BEGAIN: variants seen among roughly 807,000 people sequenced by gnomAD.
BEGAIN encodes brain enriched guanylate kinase associated, also known as brain-enriched guanylate kinase-associated protein.
Under a neutral mutation model 35.8 loss-of-function variants are expected in BEGAIN, and 19 were observed. The observed-to-expected ratio is 0.53, with a 90% CI of 0.37 to 0.78. The LOEUF (loss-of-function observed/expected upper bound fraction) is 0.78, where lower values mean the gene tolerates loss of function less well. Among genes scored for constraint, BEGAIN ranks in the 30% least tolerant of loss-of-function variants. The pLI is 0.00. For synonymous variants in BEGAIN, 462 were observed against 388.6 expected (o/e 1.19, Z -2.22); for missense variants, 795 against 853.6 (o/e 0.93, Z 0.85).
Position 100,576,571 on chromosome 14 carries a change from G to C in BEGAIN, c.43-8632C>G, listed in dbSNP as rs556585833. ...TGATATCCCACAAACCCATCCCACG[G>C]CCTCCGTCTCCATCCTGTGTTGGGA... On this transcript the variant is annotated intron_variant, in intron 1 of 6. Coordinates refer to ENST00000554140, the MANE Select transcript of BEGAIN (RefSeq NM_001385089.1). Among the ~76,000 whole-genome samples, 292 of 152,268 alleles carry C rather than the reference G, an allele frequency of 1.9e-3. 4 individuals carry two copies. Among genetic ancestry groups the C allele is most frequent in the Middle Eastern group, 3.4e-3 (1 of 294 alleles).
Position 100,537,886 on chromosome 14 carries a change from G to A in BEGAIN, c.*83C>T, listed in dbSNP as rs911079512. ...GTTGGCCGGGGCAGGGGAACAGCGG[G>A]GGCTGGGGAGAGGTGAGGCCGGCCC... is the stretch of plus-strand genomic sequence containing the variant. On this transcript the variant is annotated 3_prime_UTR_variant, in exon 7 of 7. Coordinates refer to ENST00000554140, the MANE Select transcript of BEGAIN (RefSeq NM_001385089.1). The A allele has an allele frequency of 6.7e-7, 1 of 1,487,486 alleles. No homozygotes were observed. The highest frequency in any genetic ancestry group is 1.4e-5 in the African/African-American group (1 of 70,252). 92.1% of individuals were successfully genotyped at this position (1,487,486 alleles called of 1,614,324 possible). A position where few individuals can be genotyped will look rare whatever the true frequency, so the allele number is the denominator to read the frequency against.
At chr14:100,574,871 C>G (rs1047743497) in intron 1 of BEGAIN, among the ~76,000 whole-genome samples, 22 of 152,196 alleles carry the variant, frequency 1.4e-4, no homozygotes, top group Non-Finnish European at 1.5e-5. Context: ...TGTCATGACC[C>G]CACCCAGGGC....
At chr14:100,542,803 C>T (rs1392035596) in intron 5 of BEGAIN, among the ~76,000 whole-genome samples, 2 of 152,222 alleles carry the variant, frequency 1.3e-5, no homozygotes, top group African/African-American at 2.4e-5. Flanking sequence ...TGTCCTCGTC[C>T]CTACAGCCTG....
intron 2 of BEGAIN, among the ~76,000 whole-genome samples, chr14:100,551,483 C>T (rs928620028): frequency 6.6e-6 from 1 of 152,128 alleles, no homozygotes; most frequent in Non-Finnish European, 1.5e-5. Context: ...GGCAGATGGG[C>T]GTGCTCAGAA....
chr14:100,570,957 G>A (rs564220162), intron 1 of BEGAIN, among the ~76,000 whole-genome samples: 2 of 152,278 alleles, frequency 1.3e-5, no homozygotes, highest in East Asian at 3.9e-4. Context: ...GCCAGTGGGT[G>A]GGGGCCATGA....
In BEGAIN at chr14:100,537,922, C is replaced by G. The variant is rs373784233; in HGVS notation, c.*47G>C. ...AGGTGAGGCCGGCCCTTCTGGGGCA[C>G]GTGGGCTGGCGGGGAGCGAACCACG... is the stretch of plus-strand genomic sequence containing the variant. On this transcript the variant is annotated 3_prime_UTR_variant, in exon 7 of 7. Transcript: ENST00000554140. 315 of 1,554,264 alleles carry G rather than the reference C, an allele frequency of 2.0e-4. No individual in the cohort carries two copies. Among genetic ancestry groups the G allele is most frequent in the Admixed American group, 9.8e-4 (52 of 53,164 alleles).
At chr14:100,569,032 C>A in intron 1 of BEGAIN, 1 of 809,970 alleles carries the variant, frequency 1.2e-6, no homozygotes, top group Non-Finnish European at 1.5e-6. Flanking sequence ...GGGCGCAGCC[C>A]GGCCGCAGCG....
At chr14:100,581,304 A>C (rs1465293119) in intron 1 of BEGAIN, among the ~76,000 whole-genome samples, 1 of 152,142 alleles carries the variant, frequency 6.6e-6, no homozygotes, top group Admixed American at 6.5e-5. Flanking sequence ...CTGCTTCCAG[A>C]GTTTCAGGCT....
chr14:100,542,298 C>T (rs1417531734), intron 5 of BEGAIN, among the ~76,000 whole-genome samples: 2 of 152,260 alleles, frequency 1.3e-5, no homozygotes, highest in African/African-American at 4.8e-5. Context: ...GCATTGACTG[C>T]AGCCCCCTTC....
intron 2 of BEGAIN, 112 bp from the exon 3 acceptor site, chr14:100,546,774 G>GCACA (rs1293063579): frequency 4.0e-6 from 3 of 756,546 alleles, no homozygotes; most frequent in African/African-American, 2.7e-5. Context: ...GCGCGCGCGC[G>GCACA]CGCGCGCACA....
chr14:100,552,316 A>G (rs1409699461), intron 2 of BEGAIN, among the ~76,000 whole-genome samples: 3 of 152,156 alleles, frequency 2.0e-5, no homozygotes, highest in Non-Finnish European at 4.4e-5. Flanking sequence ...ACATTTACTG[A>G]GCATCACTGG....
chr14:100,543,747 A>T, intron 5 of BEGAIN, 111 bp downstream of exon 5: 1 of 821,618 alleles, frequency 1.2e-6, no homozygotes, highest in Non-Finnish European at 2.0e-6. Context: ...GGGCCAAAGC[A>T]GCTGAGCTCA....
chr14:100,576,374 CATA>C (rs1300875584), intron 1 of BEGAIN, among the ~76,000 whole-genome samples: 4 of 152,186 alleles, frequency 2.6e-5, no homozygotes, highest in Non-Finnish European at 5.9e-5. Flanking sequence ...GCACTGGGGA[CATA>C]ATGATGGCGC....
In BEGAIN at chr14:100,546,378, GGCCCTCGCCCCGC is replaced by G. The variant is rs2032408267; in HGVS notation, c.233+110_233+122del. 67 of 100,600 alleles carry G rather than the reference GGCCCTCGCCCCGC, an allele frequency of 6.7e-4. 6 individuals are homozygous for G. The highest frequency in any genetic ancestry group is 1.4e-3 in the African/African-American group (25 of 18,256). The allele number at this position is 100,600 out of a possible 1,614,324, so 6.2% of individuals were successfully genotyped here. On this transcript the variant is annotated intron_variant, in intron 3 of 6. Coordinates refer to ENST00000554140, the MANE Select transcript of BEGAIN (RefSeq NM_001385089.1). The stretch of plus-strand genomic sequence containing the variant: ...CCCGCCCCGGCCCTCGCCCCGCCCC[GGCCCTCGCCCCGC>G]CCCGGCCCTCGCCCCGCCCCGGCCC...
intron 2 of BEGAIN, among the ~76,000 whole-genome samples, chr14:100,553,122 C>T (rs1055850110): frequency 1.3e-5 from 2 of 152,164 alleles, no homozygotes; most frequent in African/African-American, 4.8e-5. Context: ...TGTTTTCCTC[C>T]CCCAGGGAAG....
chr14:100,557,339 G>T (rs535941517), intron 2 of BEGAIN, among the ~76,000 whole-genome samples: 1 of 152,268 alleles, frequency 6.6e-6, no homozygotes, highest in Non-Finnish European at 1.5e-5. Context: ...ACGCACACAA[G>T]CCATGCTTGC....
At position 100,568,490 on chromosome 14, in the gene BEGAIN, G is replaced by A. The variant is rs753401557; in HGVS notation, c.43-551C>T. The A allele has an allele frequency of 1.6e-6, 2 of 1,286,312 alleles. No homozygotes were observed. Among genetic ancestry groups the A allele is most frequent in the South Asian group, 2.5e-5 (2 of 80,560 alleles). The allele number at this position is 1,286,312 out of a possible 1,614,324, so 79.7% of individuals were successfully genotyped here. A position where few individuals can be genotyped will look rare whatever the true frequency, so the allele number is the denominator to read the frequency against. ...TTTGGAGCCTCGACTCCTCAATCAG[G>A]GACCCGCTGCCCTCAGATTCTGGGG... On this transcript the variant is annotated intron_variant, in intron 1 of 6. Coordinates refer to ENST00000554140, the MANE Select transcript of BEGAIN (RefSeq NM_001385089.1). This position sits in a 1 kb window ranked among gnomAD's most constrained non-coding sequence, Gnocchi z 7.5.
chr14:100,541,737 A>G (rs1484944516), intron 5 of BEGAIN, among the ~76,000 whole-genome samples: 1 of 152,198 alleles, frequency 6.6e-6, no homozygotes, highest in Non-Finnish European at 1.5e-5. Context: ...TGCCATGCCC[A>G]TAGCCCCTGG....
chr14:100,572,139 C>T (rs1229111565), intron 1 of BEGAIN, among the ~76,000 whole-genome samples: 1 of 152,206 alleles, frequency 6.6e-6, no homozygotes, highest in Admixed American at 6.5e-5. Context: ...CTTCTTCAAG[C>T]CTGCCCCTGC....
Sources: gnomAD v4.1 joint callset for allele counts (sites outside exome capture counted in the v4.1 genomes callset) on GRCh38, gnomAD v4.1.1 for gene constraint, Gnocchi (gnomAD v3.1) non-coding constraint, MANE v1.5 for transcripts, NCBI Gene and HGNC (gene_info 2026-07-23, HGNC 2026-07-21) for gene names.